The following RNASE10 variants were observed in gnomAD, a reference collection of about 807,000 sequenced individuals.
RNASE10 encodes inactive ribonuclease-like protein 10.
A neutral mutation model predicts 1.1 loss-of-function variants in RNASE10; 2 were observed. The observed-to-expected ratio is 1.82, with a 90% CI of 0.74 to 5.73. The LOEUF (loss-of-function observed/expected upper bound fraction) is 5.73. RNASE10 is among the 30% of genes most tolerant of loss of function. The probability of loss-of-function intolerance (pLI) is 0.05; values close to 1 mark genes in which losing one functional copy is unlikely to be tolerated. For synonymous variants in RNASE10, 97 were observed against 96.2 expected (o/e 1.01, Z -0.05); for missense variants, 276 against 263.4 (o/e 1.05, Z -0.33).
At chr14:20,510,748 G>C in exon 2 of RNASE10, 1 of 1,614,152 alleles carries the variant, frequency 6.2e-7, no homozygotes. Context: ...TGAGGTTGGG[G>C]GTAACAAGAT....
intron 1 of RNASE10, among the ~76,000 whole-genome samples, chr14:20,507,725 CTTATTTATTTAT>C (rs71112513): frequency 6.6e-4 from 96 of 146,232 alleles, no homozygotes; most frequent in South Asian, 4.3e-3. Context: ...TTAAACTTCC[CTTATTTATTTAT>C]TTATTTATTT....
upstream of RNASE10, among the ~76,000 whole-genome samples, chr14:20,504,369 G>T (rs993630136): frequency 6.6e-6 from 1 of 151,966 alleles, no homozygotes; most frequent in Non-Finnish European, 1.5e-5. Flanking sequence ...AGAGGTGTTG[G>T]GTGCCTCAAG....
chr14:20,507,725 C>CTTAG (rs1882788666), intron 1 of RNASE10, among the ~76,000 whole-genome samples: 1 of 146,132 alleles, frequency 6.8e-6, no homozygotes, highest in East Asian at 2.0e-4. Context: ...TTAAACTTCC[C>CTTAG]TTATTTATTT....
chr14:20,510,713 CA>C lies in RNASE10; in HGVS notation c.327del (p.Glu110LysfsTer41), dbSNP rs1257690314. The stretch of plus-strand genomic sequence containing the variant: ...AAAGAAGTGGTGCAACCTGGCTGGC[CA>C]GAAGATCCCATCCTCGGTGAAGATG... On this transcript the variant is annotated frameshift_variant, in exon 2 of 2. Coordinates refer to ENST00000430083, the Ensembl canonical transcript of RNASE10. LOFTEE classifies it low-confidence loss of function (END_TRUNC). The C allele has an allele frequency of 3.1e-6, 5 of 1,614,094 alleles. No individual in the cohort carries two copies. Among genetic ancestry groups the C allele is most frequent in the African/African-American group, 1.3e-5 (1 of 74,924 alleles).
intron 1 of RNASE10, among the ~76,000 whole-genome samples, chr14:20,508,053 C>G (rs1594440720): frequency 1.3e-5 from 2 of 152,060 alleles, no homozygotes; most frequent in East Asian, 3.9e-4. Flanking sequence ...CCCAGGCCCC[C>G]TATTTATTTT....
chr14:20,507,459 CA>C (rs976487625), intron 1 of RNASE10, among the ~76,000 whole-genome samples: 2 of 134,582 alleles, frequency 1.5e-5, no homozygotes, highest in Admixed American at 7.5e-5. Context: ...CTTAAGTACC[CA>C]GGGACACAAA....
Position 20,511,075 on chromosome 14 carries a change from A to T in RNASE10, c.688A>T (p.Ile230Phe), listed in dbSNP as rs747060129. Residue 230 changes from isoleucine to phenylalanine, a missense_variant, in exon 2 of 2, where the codon ATT becomes TTT. Ile to Phe is a conservative substitution (Grantham distance 21). Transcript: ENST00000430083. ...AACTTCTGTTATAAAAAAGCACATTATTATAACCTGTAATGACATGAAGCG... is the reference window on the plus strand; with the variant it reads ...AACTTCTGTTATAAAAAAGCACATTTTTATAACCTGTAATGACATGAAGCG... 9 of 1,518,698 alleles carry T rather than the reference A, an allele frequency of 5.9e-6. No homozygotes were observed. The highest frequency in any genetic ancestry group is 7.9e-6 in the Non-Finnish European group (9 of 1,133,326). The allele number at this position is 1,518,698 out of a possible 1,614,324, so 94.1% of individuals were successfully genotyped here.
chr14:20,506,171 C>T (rs1594439348), intron 1 of RNASE10, among the ~76,000 whole-genome samples, 152 bp downstream of exon 1: 4 of 127,236 alleles, frequency 3.1e-5, no homozygotes, highest in South Asian at 2.8e-4. Flanking sequence ...CCACCCCGTC[C>T]GGGAGGGAGG....
intron 1 of RNASE10, among the ~76,000 whole-genome samples, chr14:20,507,956 C>T (rs1216089172): frequency 6.6e-6 from 1 of 151,890 alleles, no homozygotes; most frequent in Non-Finnish European, 1.5e-5. Context: ...CACCATGTTG[C>T]CCAGGCTGGT....
At chr14:20,513,768 A>C (rs997697004), downstream of RNASE10, among the ~76,000 whole-genome samples, 2 of 152,194 alleles carry the variant, frequency 1.3e-5, no homozygotes, top group Admixed American at 1.3e-4. Flanking sequence ...GTGCTTTTTA[A>C]AATCTGAAAA....
chr14:20,504,439 G>T (rs981724000), upstream of RNASE10, among the ~76,000 whole-genome samples: 5 of 152,070 alleles, frequency 3.3e-5, no homozygotes, highest in Non-Finnish European at 7.4e-5. Context: ...AAATTTTCGA[G>T]CACTTTGGGA....
At chr14:20,508,034 G>A (rs1263233602) in intron 1 of RNASE10, among the ~76,000 whole-genome samples, 2 of 152,154 alleles carry the variant, frequency 1.3e-5, no homozygotes, top group Non-Finnish European at 2.9e-5. Flanking sequence ...GCAGGCATGA[G>A]CCACTGCGCC....
downstream of RNASE10, among the ~76,000 whole-genome samples, chr14:20,512,929 G>A (rs1434185403): frequency 3.3e-5 from 5 of 152,176 alleles, no homozygotes; most frequent in Non-Finnish European, 7.3e-5. Context: ...AGAAGAATAG[G>A]TGTCAGAGAA....
At chr14:20,506,698 C>A (rs1261401589) in intron 1 of RNASE10, among the ~76,000 whole-genome samples, 15 of 104,878 alleles carry the variant, frequency 1.4e-4, no homozygotes, top group African/African-American at 2.7e-4. Flanking sequence ...CCAGCCGCCC[C>A]GTCCGGGAGG....
downstream of RNASE10, among the ~76,000 whole-genome samples, chr14:20,513,721 A>G (rs540873963): frequency 4.1e-4 from 63 of 152,228 alleles, no homozygotes; most frequent in Admixed American, 7.9e-4. Context: ...TGTGTTAGTC[A>G]TATATGATAT....
At chr14:20,513,567 T>C (rs2139374770), downstream of RNASE10, among the ~76,000 whole-genome samples, 1 of 152,288 alleles carries the variant, frequency 6.6e-6, no homozygotes, top group East Asian at 1.9e-4. Flanking sequence ...TTTTTCAAAG[T>C]GGCCCCAAAA....
At chr14:20,509,847 G>A (rs74789272) in intron 1 of RNASE10, among the ~76,000 whole-genome samples, 3,446 of 151,868 alleles carry the variant, frequency 0.023, 69 homozygotes, top group Non-Finnish European at 0.037. Context: ...TTGATGTCAG[G>A]GGCATGGTGG....
exon 2 of RNASE10, chr14:20,510,833 A>C (rs747910952): frequency 6.2e-7 from 1 of 1,614,216 alleles, no homozygotes; most frequent in African/African-American, 1.3e-5. Context: ...GAATGCAATG[A>C]TATGATGGCA....
At chr14:20,510,326 G>A (rs757754331) in intron 1 of RNASE10, 141 bp from the exon 2 acceptor site, 50 of 1,259,308 alleles carry the variant, frequency 4.0e-5, no homozygotes, top group Non-Finnish European at 5.2e-5. Flanking sequence ...AGAAATCGCT[G>A]CCTTGAAGAG....
Sources: allele counts gnomAD v4.1 joint callset (sites outside exome capture counted in the v4.1 genomes callset), GRCh38; gene constraint gnomAD v4.1.1; transcripts MANE v1.5; gene names NCBI Gene and HGNC (gene_info 2026-07-23, HGNC 2026-07-21).